The following STRIP1 variants were observed in gnomAD, a reference collection of about 807,000 sequenced individuals.
STRIP1 encodes the protein striatin-interacting protein 1.
In STRIP1, 63 loss-of-function variants were observed where a neutral mutation model predicts 106.2. The ratio of observed to expected loss-of-function variants is 0.59; its 90% CI spans 0.48 to 0.73. The LOEUF (loss-of-function observed/expected upper bound fraction) is 0.73, where lower values mean the gene tolerates loss of function less well. Among genes scored for constraint, STRIP1 ranks in the 30% least tolerant of loss-of-function variants. The pLI, the probability that STRIP1 is intolerant of heterozygous loss-of-function variation, is 0.00. For missense variants in STRIP1, 857 were observed against 1,074.8 expected (o/e 0.80, Z 2.83); for synonymous variants, 390 against 413.0 (o/e 0.94, Z 0.67).
At chr1:110,050,839 G>T (rs1159155257) in intron 18 of STRIP1, 117 bp from the exon 19 acceptor site, 1 of 677,754 alleles carries the variant, frequency 1.5e-6, no homozygotes, top group Non-Finnish European at 2.7e-6. Context: ...GAGAGCAGGG[G>T]ATTCCTGGTA....
In STRIP1 at chr1:110,035,357, A is replaced by ACATGTCCTGTTCTTCC. The variant is rs1553192893; in HGVS notation, c.180+555_180+556insCCATGTCCTGTTCTTC. Among the ~76,000 whole-genome samples, 4 of 152,130 alleles carry ACATGTCCTGTTCTTCC rather than the reference A, an allele frequency of 2.6e-5. No homozygotes were observed. In the East Asian group the frequency reaches 7.7e-4, roughly 29 times the overall value. On this transcript the variant is annotated intron_variant, in intron 1 of 20. Transcript: ENST00000369795. ...ATTGAGAGTAGAGTAGGAGGGGGAA[A>ACATGTCCTGTTCTTCC]CATGTCCTGTTCTTCTGACCTGAGC...
At chr1:110,046,603 G>A (rs1653030289) in intron 12 of STRIP1, 77 bp from the exon 13 acceptor site, 1 of 1,277,676 alleles carries the variant, frequency 7.8e-7, no homozygotes, top group East Asian at 2.3e-5. Flanking sequence ...ACAAATGTGT[G>A]GGGATTTTGC....
upstream of STRIP1, among the ~76,000 whole-genome samples, chr1:110,032,276 A>G (rs1260226152): frequency 3.9e-5 from 6 of 152,220 alleles, no homozygotes; most frequent in Non-Finnish European, 2.9e-5. Context: ...GAAGATAGGT[A>G]GGAGGAAATA....
chr1:110,049,835 CT>C (rs779915216), intron 17 of STRIP1: 13,088 of 233,882 alleles, frequency 0.056, 3 homozygotes, highest in South Asian at 0.095. Flanking sequence ...CCCTTCTGTA[CT>C]TTTTTTTTTT....
rs1653409380 is a variant in STRIP1, at chr1:110,053,744, C to A, written c.2346C>A (p.Arg782=). The A allele has an allele frequency of 6.2e-7, 1 of 1,614,038 alleles. No homozygotes were observed. Among genetic ancestry groups the A allele is most frequent in the African/African-American group, 1.3e-5 (1 of 74,920 alleles). Residue 782 remains arginine, a synonymous_variant, in exon 21 of 21, where the codon CGC becomes CGA. Coordinates refer to ENST00000369795, the MANE Select transcript of STRIP1 (RefSeq NM_033088.4). The part of the protein sequence containing the change: ...RANIERFNAR[R]YDRAHSNPDF... Reference sequence around the variant, plus strand: ...ACATTGAACGCTTCAACGCCCGGCGCTATGACCGGGCCCACAGCAACCCTG... The same window carrying A: ...ACATTGAACGCTTCAACGCCCGGCGATATGACCGGGCCCACAGCAACCCTG...
At chr1:110,039,058 G>T (rs1412468691) in intron 3 of STRIP1, 114 bp from the exon 4 acceptor site, 7 of 1,205,720 alleles carry the variant, frequency 5.8e-6, no homozygotes, top group Admixed American at 2.1e-5. Flanking sequence ...CTTACATAGG[G>T]TGTAACTTAT....
intron 20 of STRIP1, among the ~76,000 whole-genome samples, chr1:110,053,037 A>G (rs1172907822): frequency 2.0e-5 from 3 of 151,928 alleles, no homozygotes; most frequent in South Asian, 2.1e-4. Context: ...TTCCTTTTCA[A>G]CCTTGTTACG....
chr1:110,046,145 C>G (rs553435436), intron 12 of STRIP1, among the ~76,000 whole-genome samples: 2 of 152,230 alleles, frequency 1.3e-5, no homozygotes, highest in South Asian at 2.1e-4. Flanking sequence ...CTTTAATTTA[C>G]TTTTTTCTTA....
intron 20 of STRIP1, among the ~76,000 whole-genome samples, chr1:110,053,150 CTCT>C (rs1653382383): frequency 6.6e-6 from 1 of 152,212 alleles, no homozygotes; most frequent in African/African-American, 2.4e-5. Flanking sequence ...TCTGCAGGCA[CTCT>C]TCTTTCGCCC....
chr1:110,041,905 C>T (rs1222487058), intron 8 of STRIP1, 44 bp downstream of exon 8: 4 of 1,580,720 alleles, frequency 2.5e-6, no homozygotes, highest in Middle Eastern at 1.7e-4. Flanking sequence ...ATGGGATGGG[C>T]AGTAGGGAGA....
intron 20 of STRIP1, among the ~76,000 whole-genome samples, chr1:110,053,046 C>T (rs1408691687): frequency 2.0e-5 from 3 of 152,282 alleles, no homozygotes; most frequent in East Asian, 1.9e-4. Flanking sequence ...AACCTTGTTA[C>T]GGGCTGTCAG....
At chr1:110,040,570 C>G in intron 5 of STRIP1, 65 bp from the exon 6 acceptor site, 1 of 1,490,770 alleles carries the variant, frequency 6.7e-7, no homozygotes, top group Non-Finnish European at 9.1e-7. Flanking sequence ...TTGGTCAGTA[C>G]TTGTCAGGGA....
At chr1:110,032,768 C>A (rs973278626), upstream of STRIP1, among the ~76,000 whole-genome samples, 1 of 152,220 alleles carries the variant, frequency 6.6e-6, no homozygotes, top group Admixed American at 6.5e-5. Flanking sequence ...ATGCTCCACT[C>A]TGGTACAAGC....
At position 110,050,369 on chromosome 1, in the gene STRIP1, G is replaced by A. The variant is rs918681640; in HGVS notation, c.1916G>A (p.Cys639Tyr). 7.4e-6 allele frequency: 12 copies of A among 1,614,064 alleles called. No homozygotes were observed. The highest frequency in any genetic ancestry group is 8.5e-6 in the Non-Finnish European group (10 of 1,180,034). ...NSISVLDYPH[C>Y]VVHELPELTA... Reference sequence around the variant, plus strand: ...ATTTCTGTCCTGGATTACCCTCACTGCGTGGTGCATGAGCTGCCAGAGCTG... The same window carrying A: ...ATTTCTGTCCTGGATTACCCTCACTACGTGGTGCATGAGCTGCCAGAGCTG... Residue 639 changes from cysteine (C) to tyrosine (Y), a missense_variant, in exon 18 of 21, where the codon TGC (cysteine) becomes TAC (tyrosine). By Grantham distance (194) the Cys-to-Tyr change is radical. Transcript: ENST00000369795.
chr1:110,044,947 C>T, intron 11 of STRIP1, 42 bp downstream of exon 11: 3 of 1,613,316 alleles, frequency 1.9e-6, no homozygotes, highest in Admixed American at 1.7e-5. Context: ...GCTCTCCCGG[C>T]CTTTGGTGTT....
chr1:110,048,030 C>G (rs1653115217), intron 15 of STRIP1, 161 bp downstream of exon 15: 1 of 637,382 alleles, frequency 1.6e-6, no homozygotes. Flanking sequence ...AAGAGTTTCA[C>G]TGGTTGGGGA....
chr1:110,043,210 A>G lies in STRIP1; in HGVS notation c.1008A>G (p.Pro336=), dbSNP rs972558564. The G allele has an allele frequency of 1.2e-6, 2 of 1,613,766 alleles. No individual in the cohort carries two copies. The highest frequency in any genetic ancestry group is 1.3e-5 in the African/African-American group (1 of 74,934). ...TTCGCAACATGAGAGCAGCCTCTCC[A>G]CCAGCATCTGCTTCAGACTTGATTG... ...KVIRNMRAAS[P]PASASDLIEQ... is the part of the protein sequence containing the mutation. Residue 336 remains proline, a synonymous_variant, in exon 9 of 21, where the codon CCA becomes CCG. Transcript: ENST00000369795.
chr1:110,035,571 A>T (rs1384874818), intron 1 of STRIP1, among the ~76,000 whole-genome samples: 1 of 152,116 alleles, frequency 6.6e-6, no homozygotes, highest in African/African-American at 2.4e-5. Flanking sequence ...TAGTAACCTC[A>T]CCCCAAGTTA....
In STRIP1 at chr1:110,043,608, C is replaced by T. The variant is rs375880292; in HGVS notation, c.1069-31C>T. 3.1e-6 allele frequency: 5 copies of T among 1,594,486 alleles called. No homozygotes were observed. In the African/African-American group the frequency reaches 5.4e-5, roughly 17 times the overall value. On this transcript the variant is annotated intron_variant, in intron 9 of 20. Transcript: ENST00000369795. ...TTCCCTGGTCTGCGTCCTCAGTTGGCTCTTGTCTCATCTCCCTTCCCTGGT... is the reference window on the plus strand; with the variant it reads ...TTCCCTGGTCTGCGTCCTCAGTTGGTTCTTGTCTCATCTCCCTTCCCTGGT...
Sources: allele counts gnomAD v4.1 joint callset (sites outside exome capture counted in the v4.1 genomes callset), GRCh38; gene constraint gnomAD v4.1.1; transcripts MANE v1.5; gene names NCBI Gene and HGNC (gene_info 2026-07-23, HGNC 2026-07-21).